Variants in IPO5 observed in about 807,000 individuals in gnomAD.
The protein encoded by IPO5 is importin-5.
Under a neutral mutation model 143.3 loss-of-function variants are expected in IPO5, and 18 were observed. That is an observed-to-expected ratio of 0.13 (90% CI 0.09 to 0.19). The LOEUF (loss-of-function observed/expected upper bound fraction) is 0.19. Ranked by LOEUF, IPO5 falls within the 10% of genes least tolerant of loss-of-function variation. The pLI, the probability that IPO5 is intolerant of heterozygous loss-of-function variation, is 1.00. For synonymous variants in IPO5, 477 were observed against 465.7 expected, an observed-to-expected ratio of 1.02 and a Z score of -0.31; for missense variants, 1,013 against 1,336.9, an observed-to-expected ratio of 0.76 and a Z score of 3.78.
chr13:97,957,504 G>T (rs1884545176), intron 2 of IPO5, among the ~76,000 whole-genome samples: 1 of 152,004 alleles, frequency 6.6e-6, no homozygotes, highest in Admixed American at 6.6e-5. Flanking sequence ...CCTGATCTAA[G>T]TTCTTTAAAT....
intron 4 of IPO5, among the ~76,000 whole-genome samples, chr13:97,979,237 C>T (rs373014121): frequency 6.6e-4 from 101 of 152,240 alleles, no homozygotes; most frequent in African/African-American, 2.4e-3. Flanking sequence ...GTAATTTACT[C>T]ATTCAAAATA....
chr13:97,996,641 C>T (rs12100125), intron 11 of IPO5, among the ~76,000 whole-genome samples: 7 of 152,140 alleles, frequency 4.6e-5, no homozygotes, highest in Non-Finnish European at 8.8e-5. Flanking sequence ...CTCGCTCTGT[C>T]GTCCAGGCTG....
chr13:97,985,515 T>C lies in IPO5; in HGVS notation c.266T>C (p.Ile89Thr). 2 of 1,613,982 alleles carry C rather than the reference T, an allele frequency of 1.2e-6. No homozygotes were observed. The highest frequency in any genetic ancestry group is 1.7e-6 in the Non-Finnish European group (2 of 1,179,894). ...CTTCCCTCTGATGTTCAGACTGCCATCAAGAGTGAGCTACTCATGATTATT... is the reference window on the plus strand; with the variant it reads ...CTTCCCTCTGATGTTCAGACTGCCACCAAGAGTGAGCTACTCATGATTATT... ...PALPSDVQTA[I>T]KSELLMIIQM... Residue 89 changes from isoleucine (I) to threonine (T), a missense_variant, in exon 6 of 29, where the codon ATC (isoleucine) becomes ACC (threonine). By Grantham distance (89) the Ile-to-Thr change is moderately conservative (BLOSUM62 -1). Transcript: ENST00000651721.
rs904912317 is a variant in IPO5, at chr13:97,988,985, T to C, written c.365-77T>C. On this transcript the variant is annotated intron_variant, in intron 6 of 28. Coordinates refer to ENST00000651721, the MANE Select transcript of IPO5 (RefSeq NM_002271.6). ...CTACTCCAGGTTTGAATGAGGCTTA[T>C]GAAATGAAAGGATTTACTCCTAGTA... The C allele has an allele frequency of 1.7e-5, 13 of 765,882 alleles. No individual in the cohort carries two copies. In the African/African-American group the frequency reaches 2.3e-4, roughly 14 times the overall value. 47.4% of individuals were successfully genotyped at this position (765,882 alleles called of 1,614,324 possible).
In IPO5 at chr13:98,023,865, G is replaced by GAACT. The variant is rs1341523071; in HGVS notation, c.*2048_*2051dup. 6.6e-6 allele frequency: 1 copy of GAACT among 152,196 alleles called. No individual in the cohort carries two copies. Among genetic ancestry groups the GAACT allele is most frequent in the Non-Finnish European group, 1.5e-5 (1 of 68,046 alleles). 9.4% of individuals were successfully genotyped at this position (152,196 alleles called of 1,614,324 possible). A position where few individuals can be genotyped will look rare whatever the true frequency, so the allele number is the denominator to read the frequency against. On this transcript the variant is annotated 3_prime_UTR_variant, in exon 29 of 29. Transcript: ENST00000651721. ...ACATGATTCTGAAACCCAGAGCTCAGAACTAACTGTGAGATGTACCATGAA... is the reference window on the plus strand; with the variant it reads ...ACATGATTCTGAAACCCAGAGCTCAGAACTAACTAACTGTGAGATGTACCATGAA...
intron 21 of IPO5, among the ~76,000 whole-genome samples, chr13:98,012,759 A>C (rs1185805379): frequency 6.6e-6 from 1 of 150,594 alleles, no homozygotes; most frequent in African/African-American, 2.4e-5. Flanking sequence ...CTTCCCAAGT[A>C]GCTGGGACCC....
chr13:98,021,774 C>G lies in IPO5; in HGVS notation c.3246C>G (p.Leu1082=), dbSNP rs1399789305. The G allele has an allele frequency of 1.9e-6, 3 of 1,601,130 alleles. No individual in the cohort carries two copies. Among genetic ancestry groups the G allele is most frequent in the Non-Finnish European group, 2.6e-6 (3 of 1,170,394 alleles). The change falls in exon 29 of 29, where the codon CTC becomes CTG. Residue 1082 remains leucine (L), a synonymous_variant. Transcript: ENST00000651721. ...TGTGGACTGAGTGCATAGCACAGCT[C>G]AGTCCTGAGCAGCAGGCCGCCATTC... The part of the protein sequence containing the change: ...GGLWTECIAQ[L]SPEQQAAIQE...
At chr13:97,985,381 C>CAGAGTGAA in intron 5 of IPO5, 40 bp from the exon 6 acceptor site, 9 of 1,476,634 alleles carry the variant, frequency 6.1e-6, no homozygotes, top group Non-Finnish European at 8.5e-6. Flanking sequence ...ACATCAATGG[C>CAGAGTGAA]AGAGTGAATC....
chr13:97,976,359 G>C (rs553639861), intron 3 of IPO5: 1 of 151,896 alleles, frequency 6.6e-6, no homozygotes, highest in African/African-American at 2.4e-5. Flanking sequence ...CCCAACCGGC[G>C]TACAGCCGGC....
chr13:98,013,413 G>A lies in IPO5; in HGVS notation c.2153-629G>A, dbSNP rs1307021679. On this transcript the variant is annotated intron_variant, in intron 21 of 28. Transcript: ENST00000651721. ...TTTTTATGCCTTTACACACGAGAGT[G>A]GTAGACAGACACAAACCCAGATCTG... Among the ~76,000 whole-genome samples, 8 of 152,124 alleles carry A rather than the reference G, an allele frequency of 5.3e-5. No individual in the cohort carries two copies. The East Asian group carries it at 1.5e-3, about 29-fold the overall frequency.
In IPO5 at chr13:98,019,847, C is replaced by T. The variant is rs1202975184; in HGVS notation, c.3065+38C>T. The stretch of plus-strand genomic sequence containing the variant: ...ACTGTGACCTTATTTCCTTCTCCTC[C>T]ACAGTGCTTCCTGGTTTTTCTTGCC... On this transcript the variant is annotated intron_variant, in intron 27 of 28. Coordinates refer to ENST00000651721, the MANE Select transcript of IPO5 (RefSeq NM_002271.6). The T allele has an allele frequency of 5.8e-6, 8 of 1,377,660 alleles. No individual in the cohort carries two copies. The South Asian group carries it at 7.0e-5, about 12-fold the overall frequency. The allele number at this position is 1,377,660 out of a possible 1,614,324, so 85.3% of individuals were successfully genotyped here. A position where few individuals can be genotyped will look rare whatever the true frequency, so the allele number is the denominator to read the frequency against.
chr13:98,021,146 G>T lies in IPO5; in HGVS notation c.3207+13G>T. On this transcript the variant is annotated intron_variant, in intron 28 of 28. Coordinates refer to ENST00000651721, the MANE Select transcript of IPO5 (RefSeq NM_002271.6). ...TCGCCAAGTACAGGTAAGCTGATTT[G>T]GTTGAATTGGGGAGGGGGAGATAAA... 6.3e-7 allele frequency: 1 copy of T among 1,583,172 alleles called. No homozygotes were observed. The highest frequency in any genetic ancestry group is 8.6e-7 in the Non-Finnish European group (1 of 1,168,346).
intron 18 of IPO5, 103 bp from the exon 19 acceptor site, chr13:98,009,778 A>G (rs1472768185): frequency 1.9e-5 from 16 of 862,342 alleles, no homozygotes; most frequent in East Asian, 5.3e-5. Context: ...AGTACTGTGA[A>G]CATATCAATA....
intron 9 of IPO5, among the ~76,000 whole-genome samples, chr13:97,990,907 T>C (rs558269085): frequency 1.3e-5 from 2 of 152,296 alleles, no homozygotes; most frequent in African/African-American, 4.8e-5. Flanking sequence ...TGTAATAGTT[T>C]GTATTATAAT....
rs1010900235 is a variant in IPO5, at chr13:97,954,751, T to C, written c.-113+553T>C. 2.0e-5 allele frequency among the ~76,000 whole-genome samples: 3 copies of C among 152,306 alleles called. No homozygotes were observed. In the East Asian group the frequency reaches 5.8e-4, roughly 29 times the overall value. ...TATTAGATACCAGGGACTTGTCAAA[T>C]GCTAATGCCTTTATTATAGAATGTT... On this transcript the variant is annotated intron_variant, in intron 2 of 28. Transcript: ENST00000651721.
At position 98,016,835 on chromosome 13, in the gene IPO5, T is replaced by C; in HGVS notation, c.2600T>C (p.Leu867Ser). 4 of 1,567,300 alleles carry C rather than the reference T, an allele frequency of 2.6e-6. No individual in the cohort carries two copies. In the African/African-American group the frequency reaches 5.6e-5, roughly 22 times the overall value. The change falls in exon 25 of 29, where the codon TTA (leucine) becomes TCA (serine). Residue 867 changes from leucine to serine, a missense_variant. By Grantham distance (145) the Leu-to-Ser change is moderately radical. Coordinates refer to ENST00000651721, the MANE Select transcript of IPO5 (RefSeq NM_002271.6). ...CCATGGTTTGAACAGCTGCTTCCAT[T>C]AATTGTCAACCTCATTGTAAGTGTT... The part of the protein sequence containing the change: ...VLPWFEQLLP[L>S]IVNLICPHRP...
chr13:98,012,404 G>A, intron 21 of IPO5, 62 bp downstream of exon 21: 1 of 984,088 alleles, frequency 1.0e-6, no homozygotes. Flanking sequence ...GTTTCTTGGA[G>A]TATTAGACAG....
chr13:97,988,272 C>G (rs1434313992), intron 6 of IPO5, among the ~76,000 whole-genome samples: 1 of 152,164 alleles, frequency 6.6e-6, no homozygotes. Context: ...TTGAACCAAA[C>G]TGCAAAGTGT....
chr13:98,020,906 T>G (rs1890443494), intron 27 of IPO5, 86 bp from the exon 28 acceptor site: 1 of 1,075,674 alleles, frequency 9.3e-7, no homozygotes, highest in African/African-American at 1.6e-5. Flanking sequence ...TCCTACTGAA[T>G]TTAAAAGGCC....
Sources: gnomAD v4.1 joint callset for allele counts (sites outside exome capture counted in the v4.1 genomes callset) on GRCh38, gnomAD v4.1.1 for gene constraint, MANE v1.5 for transcripts, NCBI Gene and HGNC (gene_info 2026-07-23, HGNC 2026-07-21) for gene names.